HCRTR2: variants seen among roughly 807,000 people sequenced by gnomAD.
The protein encoded by HCRTR2 is hypocretin receptor 2, also known as orexin receptor type 2.
Under a neutral mutation model 49.0 loss-of-function variants are expected in HCRTR2, and 22 were observed. The observed-to-expected ratio is 0.45, with a 90% CI of 0.32 to 0.64. HCRTR2 has a LOEUF of 0.64. HCRTR2 is among the 30% of genes least tolerant of loss of function. The probability of loss-of-function intolerance (pLI) is 0.04; values close to 1 mark genes in which losing one functional copy is unlikely to be tolerated. For missense variants in HCRTR2, 491 were observed against 559.4 expected, an observed-to-expected ratio of 0.88 and a Z score of 1.23; for synonymous variants, 236 against 205.3, an observed-to-expected ratio of 1.15 and a Z score of -1.28.
intron 1 of HCRTR2, among the ~76,000 whole-genome samples, chr6:55,122,859 T>C (rs1347432432): frequency 6.7e-6 from 1 of 150,066 alleles, no homozygotes; most frequent in Non-Finnish European, 1.5e-5. Flanking sequence ...CAGCAAACTA[T>C]CGCAAGGACA....
chr6:55,174,832 C>CCTCCTAGG (rs1561995705), intron 1 of HCRTR2, 22 bp downstream of exon 1: 2 of 1,597,486 alleles, frequency 1.3e-6, no homozygotes, highest in Non-Finnish European at 8.6e-7. Flanking sequence ...CCCGGGCAGC[C>CCTCCTAGG]CTCCTAGGGG....
chr6:55,259,250 C>G (rs372848691), intron 3 of HCRTR2, among the ~76,000 whole-genome samples: 2 of 150,506 alleles, frequency 1.3e-5, no homozygotes, highest in Non-Finnish European at 3.0e-5. Context: ...ACCATTTTTA[C>G]AGTCAAAGTA....
At chr6:55,159,291 CAAA>C (rs1764773473) in intron 1 of HCRTR2, among the ~76,000 whole-genome samples, 1 of 151,762 alleles carries the variant, frequency 6.6e-6, no homozygotes, top group Non-Finnish European at 1.5e-5. Context: ...AAAACAAAAA[CAAA>C]AACAAAAACA....
intron 1 of HCRTR2, among the ~76,000 whole-genome samples, chr6:55,244,238 A>G (rs886601341): frequency 2.0e-5 from 3 of 152,086 alleles, no homozygotes; most frequent in African/African-American, 7.2e-5. Flanking sequence ...AAGAGTTAAT[A>G]CAACAAGACA....
chr6:55,197,682 C>T (rs1274381858), intron 1 of HCRTR2, among the ~76,000 whole-genome samples: 2 of 152,156 alleles, frequency 1.3e-5, no homozygotes, highest in East Asian at 1.9e-4. Flanking sequence ...AGTGCAGTGG[C>T]GTGATCTCGG....
downstream of HCRTR2, among the ~76,000 whole-genome samples, chr6:55,284,122 C>T (rs977554811): frequency 2.0e-5 from 3 of 151,960 alleles, no homozygotes; most frequent in South Asian, 2.1e-4. Flanking sequence ...CTTCAAATAA[C>T]GTTGATAATA....
chr6:55,249,027 T>A (rs1040186588), intron 2 of HCRTR2, among the ~76,000 whole-genome samples: 1 of 152,162 alleles, frequency 6.6e-6, no homozygotes, highest in African/African-American at 2.4e-5. Context: ...CATTAGATGC[T>A]GCACAAACAT....
chr6:55,199,333 A>G (rs1581824350), intron 1 of HCRTR2, among the ~76,000 whole-genome samples: 1 of 151,720 alleles, frequency 6.6e-6, no homozygotes, highest in South Asian at 2.1e-4. Flanking sequence ...GAAAATTTGG[A>G]GAGTACTTAA....
chr6:55,206,264 A>G (rs887217200), intron 1 of HCRTR2, among the ~76,000 whole-genome samples: 5 of 152,086 alleles, frequency 3.3e-5, no homozygotes, highest in African/African-American at 1.2e-4. Context: ...CTTTATTTGA[A>G]TTTGTAATAT....
intron 4 of HCRTR2, among the ~76,000 whole-genome samples, chr6:55,269,848 C>T (rs78294992): frequency 0.021 from 3,214 of 152,096 alleles, 121 homozygotes; most frequent in African/African-American, 0.071. Flanking sequence ...ACTATAATCC[C>T]AGCTACTCAG....
intron 1 of HCRTR2, among the ~76,000 whole-genome samples, chr6:55,143,935 T>C (rs913253009): frequency 1.4e-4 from 22 of 152,134 alleles, no homozygotes; most frequent in African/African-American, 4.8e-4. Context: ...CCTTTTATAT[T>C]AGTTTTATAT....
chr6:55,170,669 G>C (rs1270922303), upstream of HCRTR2, among the ~76,000 whole-genome samples: 1 of 151,496 alleles, frequency 6.6e-6, no homozygotes, highest in East Asian at 1.9e-4. Context: ...GCGCCATGTT[G>C]GTGTGCTGCA....
chr6:55,188,740 G>A (rs1360313443), intron 1 of HCRTR2, among the ~76,000 whole-genome samples: 2 of 152,212 alleles, frequency 1.3e-5, no homozygotes, highest in African/African-American at 4.8e-5. Flanking sequence ...TCTTGTGGGG[G>A]AGACTAACAT....
intron 1 of HCRTR2, among the ~76,000 whole-genome samples, chr6:55,155,975 C>T (rs1226007403): frequency 1.3e-5 from 2 of 151,836 alleles, no homozygotes; most frequent in Non-Finnish European, 2.9e-5. Context: ...GAAAAGTCAT[C>T]TAAACTTCAG....
chr6:55,184,103 AT>A (rs1765178018), intron 1 of HCRTR2, among the ~76,000 whole-genome samples: 1 of 151,970 alleles, frequency 6.6e-6, no homozygotes. Flanking sequence ...AATTTTTTGA[AT>A]TCTTAGTAGA....
intron 3 of HCRTR2, among the ~76,000 whole-genome samples, chr6:55,260,262 T>C (rs1198117099): frequency 3.9e-5 from 6 of 152,112 alleles, no homozygotes; most frequent in African/African-American, 7.2e-5. Context: ...AGCTTCAAAG[T>C]TATATAGATT....
At chr6:55,264,967 G>A (rs1766835660) in intron 4 of HCRTR2, among the ~76,000 whole-genome samples, 1 of 151,952 alleles carries the variant, frequency 6.6e-6, no homozygotes, top group Non-Finnish European at 1.5e-5. Flanking sequence ...GTTATTCAAA[G>A]CATTTTTCAA....
intron 1 of HCRTR2, among the ~76,000 whole-genome samples, chr6:55,191,612 T>G (rs1484601449): frequency 6.6e-6 from 1 of 152,122 alleles, no homozygotes; most frequent in Non-Finnish European, 1.5e-5. Context: ...TCAGGAGTTA[T>G]TGGTCACAAA....
At chr6:55,179,653 G>A (rs914197641) in intron 1 of HCRTR2, among the ~76,000 whole-genome samples, 2 of 151,788 alleles carry the variant, frequency 1.3e-5, no homozygotes, top group African/African-American at 4.8e-5. Flanking sequence ...TTGGGAAATG[G>A]GATAATTAAA....
Sources: gnomAD v4.1 joint callset for allele counts (sites outside exome capture counted in the v4.1 genomes callset) on GRCh38, gnomAD v4.1.1 for gene constraint, MANE v1.5 for transcripts, NCBI Gene and HGNC (gene_info 2026-07-23, HGNC 2026-07-21) for gene names.